Variants in TEX9 observed in about 807,000 individuals in gnomAD.
TEX9 encodes testis-expressed protein 9.
TEX9 carries 74 observed loss-of-function variants against 59.6 expected under a neutral mutation model. The ratio of observed to expected loss-of-function variants is 1.24; its 90% CI spans 1.03 to 1.51. TEX9 has a LOEUF of 1.51. Ranked by LOEUF, TEX9 falls within the 40% of genes most tolerant of loss-of-function variation. TEX9 has a pLI of 0.00. For missense variants in TEX9, 522 were observed against 447.8 expected, an observed-to-expected ratio of 1.17 and a Z score of -1.49; for synonymous variants, 186 against 152.2, an observed-to-expected ratio of 1.22 and a Z score of -1.64.
chr15:56,442,221 CA>C (rs2050827917), intron 12 of TEX9, among the ~76,000 whole-genome samples: 1 of 151,884 alleles, frequency 6.6e-6, no homozygotes, highest in Non-Finnish European at 1.5e-5. Flanking sequence ...ATTAAAGTCA[CA>C]AAAGAATGGA....
At chr15:56,260,846 A>G (rs538674420) in intron 1 of TEX9, among the ~76,000 whole-genome samples, 1 of 152,130 alleles carries the variant, frequency 6.6e-6, no homozygotes, top group African/African-American at 2.4e-5. Flanking sequence ...GTTTTGGAGA[A>G]TTCACCACTA....
the TEX9 span, among the ~76,000 whole-genome samples, chr15:56,458,467 C>T: frequency 1.9e-4 from 29 of 152,198 alleles, no homozygotes; most frequent in African/African-American, 6.3e-4. Flanking sequence ...ACCTATGCAT[C>T]ATTATCACGC....
Position 56,309,693 on chromosome 15 carries a change from G to GTTTTTTTTTTTTTT in TEX9, c.-106-63730_-106-63717dup, listed in dbSNP as rs60648387. ...TCTGGGCCTGGGATTTTTATGGGAA[G>GTTTTTTTTTTTTTT]TTTTTTTTTTTTTTTTTTTTTTTTT... On this transcript the variant is annotated intron_variant, in intron 1 of 5. Transcript: ENST00000560827. Among the ~76,000 whole-genome samples the GTTTTTTTTTTTTTT allele has an allele frequency of 4.4e-4, 27 of 60,782 alleles. 2 individuals carry two copies. Among genetic ancestry groups the GTTTTTTTTTTTTTT allele is most frequent in the African/African-American group, 1.8e-3 (24 of 13,686 alleles). The allele number at this position is 60,782 out of a possible 152,430, so 39.9% of individuals were successfully genotyped here.
rs772336789 is a variant in TEX9, at chr15:56,252,753, A to G, written c.-107+8475A>G. Among the ~76,000 whole-genome samples, 26 of 152,210 alleles carry G rather than the reference A, an allele frequency of 1.7e-4. No individual in the cohort carries two copies. In the East Asian group the frequency reaches 5.0e-3, roughly 29 times the overall value. ...CCTCATGGAGATCCCCCGGGCTTCC[A>G]AATTTAGAGTCTAGGATCCAAATCT... is the stretch of plus-strand genomic sequence containing the variant. On this transcript the variant is annotated intron_variant, in intron 1 of 5. Transcript: ENST00000560827.
chr15:56,275,755 G>T (rs2044652731), intron 1 of TEX9, among the ~76,000 whole-genome samples: 1 of 151,920 alleles, frequency 6.6e-6, no homozygotes, highest in African/African-American at 2.4e-5. Flanking sequence ...TTTCTGAACT[G>T]TACTTTTTCT....
exon 13 of TEX9, chr15:56,445,806 G>C (rs1181607590): frequency 6.6e-6 from 1 of 152,010 alleles, no homozygotes; most frequent in African/African-American, 2.4e-5. Context: ...GTAGGAGTCA[G>C]ATTAAAACGT....
intron 9 of TEX9, among the ~76,000 whole-genome samples, chr15:56,402,576 C>T (rs1307946919): frequency 6.6e-6 from 1 of 152,218 alleles, no homozygotes; most frequent in Non-Finnish European, 1.5e-5. Context: ...GAGCTGGAAC[C>T]ATTCCTTCTG....
intron 1 of TEX9, among the ~76,000 whole-genome samples, chr15:56,339,144 G>T (rs1277204503): frequency 6.7e-6 from 1 of 150,154 alleles, no homozygotes. Flanking sequence ...GCACTTTGAG[G>T]GGCTGAGGTG....
intron 1 of TEX9, among the ~76,000 whole-genome samples, chr15:56,300,284 G>C (rs1221959524): frequency 6.6e-6 from 1 of 151,630 alleles, no homozygotes; most frequent in Admixed American, 6.6e-5. Flanking sequence ...TCTACTTGAG[G>C]GAAGGAGAGG....
chr15:56,270,438 A>C (rs1470327088), intron 1 of TEX9, among the ~76,000 whole-genome samples: 1 of 152,056 alleles, frequency 6.6e-6, no homozygotes, highest in Non-Finnish European at 1.5e-5. Context: ...GTTGGTTTAA[A>C]GTCTGTTTTA....
intron 1 of TEX9, among the ~76,000 whole-genome samples, chr15:56,306,848 T>A (rs1475357333): frequency 6.6e-6 from 1 of 152,224 alleles, no homozygotes; most frequent in Non-Finnish European, 1.5e-5. Flanking sequence ...TGTATCAAAA[T>A]ATCTCATGTA....
intron 12 of TEX9, among the ~76,000 whole-genome samples, chr15:56,437,856 C>A (rs2050754786): frequency 6.7e-6 from 1 of 149,684 alleles, no homozygotes; most frequent in Admixed American, 6.6e-5. Context: ...TGAGTGAACT[C>A]GATTCACAAT....
chr15:56,294,743 G>A (rs1006091889), intron 1 of TEX9, among the ~76,000 whole-genome samples: 1 of 152,118 alleles, frequency 6.6e-6, no homozygotes, highest in East Asian at 1.9e-4. Context: ...TAATGCTTGG[G>A]TATAACCCAA....
chr15:56,420,541 C>T (rs757872816), intron 10 of TEX9, among the ~76,000 whole-genome samples: 8 of 151,814 alleles, frequency 5.3e-5, no homozygotes, highest in African/African-American at 9.7e-5. Flanking sequence ...CTACTAACCT[C>T]GTGATCTGCC....
intron 10 of TEX9, among the ~76,000 whole-genome samples, chr15:56,425,818 A>C (rs1310074322): frequency 6.6e-6 from 1 of 152,038 alleles, no homozygotes; most frequent in Non-Finnish European, 1.5e-5. Context: ...GTGTTTGAAA[A>C]AACAGCCACT....
At chr15:56,371,544 C>T (rs548755432) in intron 2 of TEX9, among the ~76,000 whole-genome samples, 5 of 151,538 alleles carry the variant, frequency 3.3e-5, no homozygotes, top group Admixed American at 2.0e-4. Context: ...ATAAATTTTC[C>T]CTTTCCTCAC....
At chr15:56,444,497 T>C in intron 12 of TEX9, 1 of 1,611,084 alleles carries the variant, frequency 6.2e-7, no homozygotes, top group Non-Finnish European at 8.5e-7. Flanking sequence ...TGAGTTTCTC[T>C]TTTAGCAGCT....
intron 1 of TEX9, among the ~76,000 whole-genome samples, chr15:56,338,746 A>G (rs906995045): frequency 4.0e-5 from 6 of 151,310 alleles, no homozygotes; most frequent in African/African-American, 1.2e-4. Context: ...GTGAAAGCCC[A>G]TCTCTACTAA....
chr15:56,447,003 C>G (rs1182521587), downstream of TEX9: 5 of 1,158,188 alleles, frequency 4.3e-6, no homozygotes, highest in African/African-American at 6.1e-5. Context: ...GAAAACCTCA[C>G]AGAAAACTGA....
Sources: allele counts gnomAD v4.1 joint callset (sites outside exome capture counted in the v4.1 genomes callset), GRCh38; gene constraint gnomAD v4.1.1; transcripts MANE v1.5; gene names NCBI Gene and HGNC (gene_info 2026-07-23, HGNC 2026-07-21).